The following KCNMB2 variants were observed in gnomAD, a reference collection of about 807,000 sequenced individuals.
The protein encoded by KCNMB2 is calcium-activated potassium channel subunit beta-2.
In KCNMB2, 9 loss-of-function variants were observed where a neutral mutation model predicts 24.5. The observed-to-expected ratio is 0.37, with a 90% CI of 0.22 to 0.64. The LOEUF (loss-of-function observed/expected upper bound fraction) is 0.64. Among genes scored for constraint, KCNMB2 ranks in the 30% least tolerant of loss-of-function variants. The pLI is 0.63. For synonymous variants in KCNMB2, 109 were observed against 104.4 expected, an observed-to-expected ratio of 1.04 and a Z score of -0.27; for missense variants, 226 against 284.3, an observed-to-expected ratio of 0.79 and a Z score of 1.47.
At chr3:178,668,420 G>A (rs1233057550) in intron 1 of KCNMB2, among the ~76,000 whole-genome samples, 1 of 152,084 alleles carries the variant, frequency 6.6e-6, no homozygotes, top group Non-Finnish European at 1.5e-5. Flanking sequence ...GCGATATTGA[G>A]GAGTTGTGGA....
At chr3:178,548,217 C>A (rs2108452130) in intron 1 of KCNMB2, among the ~76,000 whole-genome samples, 1 of 152,290 alleles carries the variant, frequency 6.6e-6, no homozygotes, top group South Asian at 2.1e-4. Context: ...TCATGTGGCC[C>A]ATATTTAATC....
rs868315400 is a variant in KCNMB2 at position 178,761,003 on chromosome 3, T to C, written c.-67-46340T>C. Among the ~76,000 whole-genome samples the C allele has an allele frequency of 5.3e-5, 8 of 152,084 alleles. No homozygotes were observed. In the South Asian group the frequency reaches 1.7e-3, roughly 31 times the overall value. ...GCTCTAGGGCCTCGGCATTAAGAAA[T>C]TGGATAAGGTCTTTAATCCCTTGAA... On this transcript the variant is annotated intron_variant, in intron 1 of 4. Coordinates refer to ENST00000452583, the MANE Select transcript of KCNMB2 (RefSeq NM_181361.3).
intron 2 of KCNMB2, among the ~76,000 whole-genome samples, chr3:178,821,802 C>T (rs1714638099): frequency 6.6e-6 from 1 of 152,134 alleles, no homozygotes; most frequent in African/African-American, 2.4e-5. Context: ...CTCATCATCC[C>T]CTGTATTCTA....
At chr3:178,713,120 C>A (rs557965661) in intron 1 of KCNMB2, among the ~76,000 whole-genome samples, 1 of 152,288 alleles carries the variant, frequency 6.6e-6, no homozygotes, top group Non-Finnish European at 1.5e-5. Context: ...GTCTCCTCCT[C>A]ATAAAATAAG....
At chr3:178,555,260 C>T (rs1716084524) in intron 1 of KCNMB2, among the ~76,000 whole-genome samples, 1 of 152,178 alleles carries the variant, frequency 6.6e-6, no homozygotes, top group South Asian at 2.1e-4. Context: ...AAACCTTCCC[C>T]AAGCAAAAAA....
chr3:178,772,187 T>C (rs1712398183), intron 1 of KCNMB2, among the ~76,000 whole-genome samples: 3 of 152,230 alleles, frequency 2.0e-5, no homozygotes, highest in African/African-American at 7.2e-5. Context: ...CATAATTCGT[T>C]ATCTTTATCT....
chr3:178,737,609 GC>G (rs1415058612), intron 1 of KCNMB2, among the ~76,000 whole-genome samples: 1 of 152,168 alleles, frequency 6.6e-6, no homozygotes, highest in Non-Finnish European at 1.5e-5. Context: ...CTAGACCTGT[GC>G]TTGACACTGA....
At chr3:178,700,004 A>G (rs2108338847) in intron 1 of KCNMB2, among the ~76,000 whole-genome samples, 1 of 152,316 alleles carries the variant, frequency 6.6e-6, no homozygotes, top group African/African-American at 2.4e-5. Flanking sequence ...GCAATGGCCC[A>G]TGCAAGGTCG....
intron 1 of KCNMB2, among the ~76,000 whole-genome samples, chr3:178,805,310 C>T (rs1018797574): frequency 2.0e-5 from 3 of 152,210 alleles, no homozygotes; most frequent in Non-Finnish European, 2.9e-5. Context: ...ATAGTATATG[C>T]TTAGATCCAT....
At chr3:178,704,541 C>G (rs1457367045) in intron 1 of KCNMB2, among the ~76,000 whole-genome samples, 1 of 152,138 alleles carries the variant, frequency 6.6e-6, no homozygotes, top group Non-Finnish European at 1.5e-5. Context: ...TTTATTGGCA[C>G]ATGGTTATAG....
chr3:178,573,605 C>A (rs1716884903), intron 1 of KCNMB2, among the ~76,000 whole-genome samples: 1 of 148,688 alleles, frequency 6.7e-6, no homozygotes, highest in Non-Finnish European at 1.5e-5. Context: ...AAAAACTAGC[C>A]AGGTGTGGTG....
In KCNMB2 at chr3:178,540,524, C is replaced by T. The variant is rs187255786; in HGVS notation, c.-68+3813C>T. Among the ~76,000 whole-genome samples the T allele has an allele frequency of 7.9e-5, 12 of 152,264 alleles. No homozygotes were observed. In the East Asian group the frequency reaches 1.9e-3, roughly 25 times the overall value. ...CCATGTGCCCTGGAATAATCTGGTT[C>T]CTCCCTGTACCCTTCTGCTACCATT... On this transcript the variant is annotated intron_variant, in intron 1 of 4. Coordinates refer to ENST00000452583, the MANE Select transcript of KCNMB2 (RefSeq NM_181361.3).
intron 1 of KCNMB2, among the ~76,000 whole-genome samples, chr3:178,634,067 T>A (rs895640698): frequency 3.3e-5 from 5 of 152,188 alleles, no homozygotes; most frequent in African/African-American, 1.2e-4. Flanking sequence ...ACAATTCTGG[T>A]CAAAGCCATT....
intron 1 of KCNMB2, among the ~76,000 whole-genome samples, chr3:178,646,725 T>C (rs535225520): frequency 3.2e-4 from 48 of 152,332 alleles, no homozygotes; most frequent in African/African-American, 1.1e-3. Context: ...AGTAAGTTAA[T>C]AGTGTGTCGT....
chr3:178,679,299 T>C (rs766678389), intron 1 of KCNMB2, among the ~76,000 whole-genome samples: 3 of 152,160 alleles, frequency 2.0e-5, no homozygotes, highest in Admixed American at 6.5e-5. Context: ...GGTGCACTCA[T>C]GGTTCACTGC....
chr3:178,828,407 C>G (rs1236322485), intron 4 of KCNMB2, 34 bp downstream of exon 4: 2 of 1,480,520 alleles, frequency 1.4e-6, no homozygotes, highest in Non-Finnish European at 1.9e-6. Flanking sequence ...TCAGTTACCC[C>G]ACAGAGCTTC....
intron 1 of KCNMB2, among the ~76,000 whole-genome samples, chr3:178,611,300 G>GT (rs1213992079): frequency 6.6e-6 from 1 of 152,110 alleles, no homozygotes; most frequent in Non-Finnish European, 1.5e-5. Context: ...AATTTTTGCA[G>GT]TATCAGTTGT....
At chr3:178,611,907 T>C (rs1474797835) in intron 1 of KCNMB2, among the ~76,000 whole-genome samples, 2 of 152,158 alleles carry the variant, frequency 1.3e-5, no homozygotes, top group African/African-American at 4.8e-5. Flanking sequence ...ACTTCCCTCT[T>C]AGTATTGTCT....
intron 1 of KCNMB2, among the ~76,000 whole-genome samples, chr3:178,614,281 A>ATATATATGTATG (rs1718614191): frequency 9.5e-6 from 1 of 104,772 alleles, no homozygotes; most frequent in Non-Finnish European, 2.0e-5. Flanking sequence ...ATATATATAT[A>ATATATATGTATG]TATATATATA....
Sources: gnomAD v4.1 joint callset for allele counts (sites outside exome capture counted in the v4.1 genomes callset) on GRCh38, gnomAD v4.1.1 for gene constraint, MANE v1.5 for transcripts, NCBI Gene and HGNC (gene_info 2026-07-23, HGNC 2026-07-21) for gene names.